PDE4D: variants seen among roughly 807,000 people sequenced by gnomAD.
PDE4D encodes the protein phosphodiesterase 4D.
A neutral mutation model predicts 87.4 loss-of-function variants in PDE4D; 24 were observed. That is an observed-to-expected ratio of 0.27 (90% CI 0.20 to 0.39). The LOEUF (loss-of-function observed/expected upper bound fraction) is 0.39. Ranked by LOEUF, PDE4D falls within the 10% of genes least tolerant of loss-of-function variation. The pLI, the probability that PDE4D is intolerant of heterozygous loss-of-function variation, is 1.00. For synonymous variants in PDE4D, 384 were observed against 383.2 expected (o/e 1.00, Z -0.02); for missense variants, 714 against 1,041.0 (o/e 0.69, Z 4.32).
intron 1 of PDE4D, among the ~76,000 whole-genome samples, chr5:59,785,156 A>G (rs968949125): frequency 2.6e-5 from 4 of 152,248 alleles, no homozygotes; most frequent in African/African-American, 9.6e-5. Context: ...TGATTTTTAC[A>G]TATACAATAT....
intron 1 of PDE4D, among the ~76,000 whole-genome samples, chr5:59,248,042 TAAAAAA>T (rs70975306): frequency 0.13 from 4,755 of 37,282 alleles, 156 homozygotes; most frequent in Middle Eastern, 0.24. Flanking sequence ...TATCTATTAG[TAAAAAA>T]AAAAAAAAAA....
At chr5:59,093,532 AAGTGG>A (rs1769117993) in intron 5 of PDE4D, among the ~76,000 whole-genome samples, 1 of 152,238 alleles carries the variant, frequency 6.6e-6, no homozygotes, top group African/African-American at 2.4e-5. Context: ...CGCAGGCAGA[AAGTGG>A]GGTACCCCCT....
chr5:60,309,159 A>G (rs1293690643), intron 1 of PDE4D, among the ~76,000 whole-genome samples: 2 of 152,162 alleles, frequency 1.3e-5, no homozygotes, highest in Admixed American at 6.5e-5. Context: ...CTAATACTCA[A>G]ATCAATAAAT....
rs147117929 is a variant in PDE4D, at chr5:59,794,521, C to A, written c.455+98647G>T. ...CCTGCTTGCAGGTCCGCTTTCAGAG[C>A]CTTCCCTCAGGGCTTATGTTCCACT... On this transcript the variant is annotated intron_variant, in intron 1 of 14. Transcript: ENST00000340635. Among the ~76,000 whole-genome samples the A allele has an allele frequency of 6.6e-3, 1,011 of 152,112 alleles. 5 individuals are homozygous for A. Among genetic ancestry groups the A allele is most frequent in the Non-Finnish European group, 0.011 (741 of 67,992 alleles).
intron 1 of PDE4D, among the ~76,000 whole-genome samples, chr5:59,818,901 G>A (rs544335552): frequency 6.6e-6 from 1 of 151,928 alleles, no homozygotes; most frequent in Admixed American, 6.6e-5. Context: ...TAGAGTAGCA[G>A]GAGTGAAGGA....
intron 5 of PDE4D, among the ~76,000 whole-genome samples, chr5:59,104,319 G>C (rs1771228292): frequency 6.6e-6 from 1 of 152,126 alleles, no homozygotes; most frequent in Non-Finnish European, 1.5e-5. Context: ...TAAAATCCAA[G>C]GCTAGAAAAG....
At chr5:59,626,601 T>C (rs529145265) in intron 1 of PDE4D, among the ~76,000 whole-genome samples, 47 of 152,294 alleles carry the variant, frequency 3.1e-4, no homozygotes, top group African/African-American at 9.9e-4. Flanking sequence ...TACAAATTTG[T>C]TTTTTAAATG....
At chr5:59,920,974 C>T (rs1301525391) in intron 3 of PDE4D, among the ~76,000 whole-genome samples, 1 of 152,048 alleles carries the variant, frequency 6.6e-6, no homozygotes, top group African/African-American at 2.4e-5. Context: ...TGTAACAAAC[C>T]TGCACGTTGT....
intron 2 of PDE4D, among the ~76,000 whole-genome samples, chr5:60,015,112 G>A (rs1371470038): frequency 6.6e-6 from 1 of 152,114 alleles, no homozygotes; most frequent in Non-Finnish European, 1.5e-5. Context: ...CAGGGAAGGG[G>A]GATTACACAG....
chr5:59,865,250 A>G (rs999357843), intron 1 of PDE4D, among the ~76,000 whole-genome samples: 7 of 152,256 alleles, frequency 4.6e-5, no homozygotes, highest in African/African-American at 1.7e-4. Flanking sequence ...TAAACATAAA[A>G]GGAAGATGAA....
chr5:59,514,255 G>A lies in PDE4D; in HGVS notation c.456-298287C>T, dbSNP rs538692376. On this transcript the variant is annotated intron_variant, in intron 1 of 14. Transcript: ENST00000340635. ...CGAGTAGCTGGGACTACAGGCGCCC[G>A]CCACCACGCCCAGCTAATTTTTCGT... Among the ~76,000 whole-genome samples, 773 of 151,868 alleles carry A rather than the reference G, an allele frequency of 5.1e-3. 5 individuals carry two copies. The highest frequency in any genetic ancestry group is 8.0e-3 in the Non-Finnish European group (545 of 67,922).
rs1158542328 is a variant in PDE4D, at chr5:58,979,287, TA to T, written c.1553-1943del. On this transcript the variant is annotated intron_variant, in intron 11 of 14. Coordinates refer to ENST00000340635, the MANE Select transcript of PDE4D (RefSeq NM_001104631.2). The stretch of plus-strand genomic sequence containing the variant: ...TGGAGAGTGGTTATCTCCTGACACT[TA>T]AAGAGTCCAGATTGGCTAGAAAAGC... Among the ~76,000 whole-genome samples the T allele has an allele frequency of 2.6e-5, 4 of 152,280 alleles. No individual in the cohort carries two copies. In the East Asian group the frequency reaches 7.7e-4, roughly 29 times the overall value.
intron 2 of PDE4D, among the ~76,000 whole-genome samples, chr5:60,032,303 G>A (rs533808049): frequency 6.6e-6 from 1 of 152,236 alleles, no homozygotes; most frequent in South Asian, 2.1e-4. Context: ...TGATCAATGT[G>A]TATAGTCACA....
At chr5:60,283,195 A>G (rs895286509) in intron 1 of PDE4D, among the ~76,000 whole-genome samples, 30 of 152,138 alleles carry the variant, frequency 2.0e-4, no homozygotes, top group Admixed American at 1.9e-3. Flanking sequence ...GTTCATTAGT[A>G]TCTACACAGA....
At chr5:59,388,155 T>C (rs771877240) in intron 1 of PDE4D, among the ~76,000 whole-genome samples, 4 of 152,124 alleles carry the variant, frequency 2.6e-5, no homozygotes, top group African/African-American at 9.6e-5. Flanking sequence ...AAAAGGTCAA[T>C]AGTATGAAAA....
intron 1 of PDE4D, among the ~76,000 whole-genome samples, chr5:60,197,996 A>G (rs1417405638): frequency 1.3e-5 from 2 of 151,038 alleles, no homozygotes; most frequent in African/African-American, 4.8e-5. Flanking sequence ...TTTTTACATT[A>G]AAAATAAAAT....
At chr5:59,517,739 G>A (rs564697359) in intron 1 of PDE4D, among the ~76,000 whole-genome samples, 2 of 152,256 alleles carry the variant, frequency 1.3e-5, no homozygotes, top group Admixed American at 6.5e-5. Context: ...GCAGTGCCTG[G>A]TTCATAGCAG....
At chr5:59,823,521 C>G (rs568346058) in intron 1 of PDE4D, among the ~76,000 whole-genome samples, 1 of 152,126 alleles carries the variant, frequency 6.6e-6, no homozygotes, top group Admixed American at 6.5e-5. Context: ...CATTTGAAAG[C>G]CTTAAGCAGC....
chr5:59,567,461 A>C (rs896970997), intron 1 of PDE4D, among the ~76,000 whole-genome samples: 1 of 152,248 alleles, frequency 6.6e-6, no homozygotes, highest in Non-Finnish European at 1.5e-5. Context: ...AAATAATGAA[A>C]GCAAGAGATA....
Sources: allele counts gnomAD v4.1 joint callset (sites outside exome capture counted in the v4.1 genomes callset), GRCh38; gene constraint gnomAD v4.1.1; transcripts MANE v1.5; gene names NCBI Gene and HGNC (gene_info 2026-07-23, HGNC 2026-07-21).